The following BCL2 variants were observed in gnomAD, a reference collection of about 807,000 sequenced individuals.
The protein encoded by BCL2 is BCL2 apoptosis regulator, also known as apoptosis regulator Bcl-2.
BCL2 carries 1 observed loss-of-function variant against 14.2 expected under a neutral mutation model. That is an observed-to-expected ratio of 0.07 (90% confidence interval 0.02 to 0.33). BCL2 has a LOEUF of 0.33. BCL2 is among the 10% of genes least tolerant of loss of function. The probability of loss-of-function intolerance (pLI) is 0.99; values close to 1 mark genes in which losing one functional copy is unlikely to be tolerated. For synonymous variants in BCL2, 151 were observed against 137.2 expected, an observed-to-expected ratio of 1.10 and a Z score of -0.70; for missense variants, 247 against 305.9, an observed-to-expected ratio of 0.81 and a Z score of 1.44.
Position 63,166,311 on chromosome 18 carries a change from G to T in BCL2, c.586-37552C>A, listed in dbSNP as rs771492232. Among the ~76,000 whole-genome samples the T allele has an allele frequency of 3.3e-5, 5 of 152,210 alleles. No homozygotes were observed. The South Asian group carries it at 1.0e-3, about 32-fold the overall frequency. On this transcript the variant is annotated intron_variant, in intron 2 of 2. Transcript: ENST00000333681. ...AACCTTGGAATGGGCCTTGGAAGAC[G>T]AGAGGATTTGGACTGGGGGATGTAA...
intron 2 of BCL2, among the ~76,000 whole-genome samples, chr18:63,307,005 C>T (rs1467616629): frequency 6.6e-6 from 1 of 152,158 alleles, no homozygotes; most frequent in Non-Finnish European, 1.5e-5. Context: ...CTTCCCACTT[C>T]CCCAGGGCCT....
chr18:63,170,429 CT>C lies in BCL2; in HGVS notation c.586-41671del, dbSNP rs1315900545. On this transcript the variant is annotated intron_variant, in intron 2 of 2. Transcript: ENST00000333681. The stretch of plus-strand genomic sequence containing the variant: ...TCGTAATATGGACACCTGGGCCCCA[CT>C]TTTGCTTGGAACTGTTTTATATGAC... 2.6e-5 allele frequency among the ~76,000 whole-genome samples: 4 copies of C among 152,174 alleles called. No homozygotes were observed. The East Asian group carries it at 7.7e-4, about 29-fold the overall frequency.
In BCL2 at chr18:63,218,751, C is replaced by CACTCATTCCCATCCTCT. The variant is rs1910292151; in HGVS notation, c.586-89993_586-89992insAGAGGATGGGAATGAGT. On this transcript the variant is annotated intron_variant, in intron 2 of 2. Transcript: ENST00000333681. Reference sequence around the variant, plus strand: ...CCATCCTCCACTCATCTCCATCCTCCACTCATCCCCCTCTACTCATCCCCA... The same window carrying CACTCATTCCCATCCTCT: ...CCATCCTCCACTCATCTCCATCCTCCACTCATTCCCATCCTCTACTCATCCCCCTCTACTCATCCCCA... Among the ~76,000 whole-genome samples the CACTCATTCCCATCCTCT allele has an allele frequency of 1.2e-4, 4 of 33,768 alleles. 2 individuals carry two copies. The Admixed American group carries it at 1.6e-3, about 14-fold the overall frequency. 22.2% of individuals were successfully genotyped at this position (33,768 alleles called of 152,430 possible).
intron 2 of BCL2, among the ~76,000 whole-genome samples, chr18:63,222,636 C>T (rs758379991): frequency 1.3e-5 from 2 of 152,086 alleles, no homozygotes; most frequent in Non-Finnish European, 2.9e-5. Context: ...ACAAAACAGG[C>T]CATCAGTGAA....
At chr18:63,196,579 G>C (rs1038670089) in intron 2 of BCL2, among the ~76,000 whole-genome samples, 1 of 152,028 alleles carries the variant, frequency 6.6e-6, no homozygotes, top group Non-Finnish European at 1.5e-5. Context: ...TGAAATAAAA[G>C]GGTCAAAGGT....
intron 2 of BCL2, among the ~76,000 whole-genome samples, chr18:63,135,915 C>T (rs557475565): frequency 1.3e-5 from 2 of 152,256 alleles, no homozygotes; most frequent in East Asian, 3.9e-4. Flanking sequence ...TCTGAAACCA[C>T]CCCCACAGAG....
chr18:63,161,739 A>T (rs1212849542), intron 2 of BCL2: 1 of 152,122 alleles, frequency 6.6e-6, no homozygotes, highest in Non-Finnish European at 1.5e-5. Flanking sequence ...CTCCAAATAC[A>T]TTGCTGAGGA....
In BCL2 at chr18:63,318,616, C is replaced by T. The variant is rs565741123; in HGVS notation, c.51G>A (p.Lys17=). The change falls in exon 2 of 3, where the codon AAG becomes AAA. Residue 17 remains lysine, a synonymous_variant. Coordinates refer to ENST00000333681, the MANE Select transcript of BCL2 (RefSeq NM_000633.3). The surrounding 1 kb of genome is among the most constrained non-coding windows in gnomAD (Gnocchi z 7.4). The stretch of plus-strand genomic sequence containing the variant: ...TCTGCGACAGCTTATAATGGATGTA[C>T]TTCATCACTATCTCCCGGTTATCGT... ...TGYDNREIVM[K]YIHYKLSQRG... The T allele has an allele frequency of 1.2e-5, 20 of 1,613,198 alleles. No homozygotes were observed. In the African/African-American group the frequency reaches 2.4e-4, roughly 19 times the overall value.
At chr18:63,279,540 A>T (rs1912250125) in intron 2 of BCL2, among the ~76,000 whole-genome samples, 1 of 152,268 alleles carries the variant, frequency 6.6e-6, no homozygotes, top group Non-Finnish European at 1.5e-5. Flanking sequence ...GAGAGTATAC[A>T]AAACAACAGG....
chr18:63,137,788 T>C (rs1159633963), intron 2 of BCL2, among the ~76,000 whole-genome samples: 1 of 151,980 alleles, frequency 6.6e-6, no homozygotes, highest in Non-Finnish European at 1.5e-5. Flanking sequence ...ATGTTTGGAG[T>C]ATTAGGAAGA....
At chr18:63,164,970 T>C (rs997786467) in intron 2 of BCL2, among the ~76,000 whole-genome samples, 1 of 152,230 alleles carries the variant, frequency 6.6e-6, no homozygotes, top group Non-Finnish European at 1.5e-5. Flanking sequence ...ATGTGAATGC[T>C]AGATGACGAG....
intron 2 of BCL2, among the ~76,000 whole-genome samples, chr18:63,273,756 C>T (rs978675320): frequency 2.6e-5 from 4 of 152,292 alleles, no homozygotes; most frequent in Middle Eastern, 6.8e-3. Flanking sequence ...CAAAGCCTCA[C>T]GCCTGACTCC....
At chr18:63,248,930 T>A (rs1296848253) in intron 2 of BCL2, among the ~76,000 whole-genome samples, 1 of 152,196 alleles carries the variant, frequency 6.6e-6, no homozygotes, top group Non-Finnish European at 1.5e-5. Flanking sequence ...TCACAGAGTA[T>A]TTTCCATGAA....
At chr18:63,273,338 G>T (rs957308530) in intron 2 of BCL2, among the ~76,000 whole-genome samples, 3 of 152,166 alleles carry the variant, frequency 2.0e-5, no homozygotes, top group African/African-American at 7.2e-5. Context: ...GTTCTGGATT[G>T]AATCTCAGCG....
intron 2 of BCL2, among the ~76,000 whole-genome samples, chr18:63,160,297 T>C (rs1914888436): frequency 6.6e-6 from 1 of 152,238 alleles, no homozygotes; most frequent in African/African-American, 2.4e-5. Context: ...GGTCCTGTTA[T>C]GAAATGCCAA....
chr18:63,249,647 T>C (rs1280734850), intron 2 of BCL2, among the ~76,000 whole-genome samples: 3 of 144,154 alleles, frequency 2.1e-5, no homozygotes, highest in African/African-American at 2.6e-5. Flanking sequence ...GAGGCGGAAG[T>C]TGCAGTGAGC....
intron 2 of BCL2, among the ~76,000 whole-genome samples, chr18:63,223,602 G>A (rs1057129599): frequency 6.6e-6 from 1 of 152,160 alleles, no homozygotes; most frequent in African/African-American, 2.4e-5. Flanking sequence ...GCTGAAGGCT[G>A]AACCCTCCAG....
At chr18:63,268,315 A>T (rs1405529186) in intron 2 of BCL2, among the ~76,000 whole-genome samples, 1 of 152,230 alleles carries the variant, frequency 6.6e-6, no homozygotes, top group Non-Finnish European at 1.5e-5. Flanking sequence ...ATGACCTACC[A>T]CATGGTTTTA....
chr18:63,259,006 C>T (rs78121433), intron 2 of BCL2, among the ~76,000 whole-genome samples: 4,327 of 152,314 alleles, frequency 0.028, 136 homozygotes, highest in South Asian at 0.07. Flanking sequence ...AATAGAGCTT[C>T]ACCACAAACA....
Sources: allele counts gnomAD v4.1 joint callset (sites outside exome capture counted in the v4.1 genomes callset), GRCh38; gene constraint gnomAD v4.1.1; non-coding constraint Gnocchi (gnomAD v3.1); transcripts MANE v1.5; gene names NCBI Gene and HGNC (gene_info 2026-07-23, HGNC 2026-07-21).